The following ELMO1 variants were observed in gnomAD, a reference collection of about 807,000 sequenced individuals.
The protein encoded by ELMO1 is engulfment and cell motility 1.
A neutral mutation model predicts 98.9 loss-of-function variants in ELMO1; 26 were observed. That is an observed-to-expected ratio of 0.26 (90% CI 0.19 to 0.36). ELMO1 has a LOEUF of 0.36. Among genes scored for constraint, ELMO1 ranks in the 10% least tolerant of loss-of-function variants. The pLI is 1.00. For synonymous variants in ELMO1, 346 were observed against 346.0 expected (o/e 1.00, Z 0.00); for missense variants, 627 against 935.2 (o/e 0.67, Z 4.30).
At chr7:37,234,335 A>G (rs1794343562) in intron 7 of ELMO1, among the ~76,000 whole-genome samples, 1 of 152,238 alleles carries the variant, frequency 6.6e-6, no homozygotes, top group Admixed American at 6.5e-5. Context: ...ATTTCCAACT[A>G]GTAGAATAGA....
rs1014729186 is a variant in ELMO1 at position 37,294,737 on chromosome 7, C to T, written c.192+20113G>A. Among the ~76,000 whole-genome samples, 20 of 152,206 alleles carry T rather than the reference C, an allele frequency of 1.3e-4. No individual in the cohort carries two copies. In the East Asian group the frequency reaches 1.9e-3, roughly 15 times the overall value. On this transcript the variant is annotated intron_variant, in intron 4 of 21. Transcript: ENST00000310758. ...ATCTCAGGCCAGGCGCGGGGGCTCA[C>T]GCCTGTAATCCCAACACTTTGGGAG...
intron 16 of ELMO1, among the ~76,000 whole-genome samples, chr7:36,970,256 T>C (rs1013770066): frequency 6.6e-6 from 1 of 151,810 alleles, no homozygotes; most frequent in Non-Finnish European, 1.5e-5. Context: ...GCTGTCCTAA[T>C]ACCTTCTTTG....
intron 15 of ELMO1, among the ~76,000 whole-genome samples, chr7:37,066,659 T>C (rs983377070): frequency 5.3e-5 from 8 of 152,118 alleles, no homozygotes; most frequent in African/African-American, 1.9e-4. Context: ...CACAAAGAAA[T>C]GATAAATGAC....
chr7:37,295,992 A>G (rs981386197), intron 4 of ELMO1, among the ~76,000 whole-genome samples: 2 of 152,226 alleles, frequency 1.3e-5, no homozygotes, highest in Non-Finnish European at 2.9e-5. Flanking sequence ...CCAGTTTTCC[A>G]TTGCTGTATA....
intron 15 of ELMO1, among the ~76,000 whole-genome samples, chr7:37,029,925 T>C (rs1394939570): frequency 1.3e-5 from 2 of 152,162 alleles, no homozygotes; most frequent in Non-Finnish European, 2.9e-5. Context: ...TGTCTGCTAC[T>C]TTTTTTCTTC....
chr7:36,910,549 C>T (rs1784273392), intron 16 of ELMO1, among the ~76,000 whole-genome samples: 1 of 152,172 alleles, frequency 6.6e-6, no homozygotes, highest in Non-Finnish European at 1.5e-5. Flanking sequence ...GGAAGGAAAA[C>T]AACAGGCACT....
intron 15 of ELMO1, among the ~76,000 whole-genome samples, chr7:37,088,063 C>G (rs1783880662): frequency 6.6e-6 from 1 of 152,196 alleles, no homozygotes. Flanking sequence ...TCATTACCAG[C>G]TTGGGCAAAT....
At chr7:37,128,018 C>A (rs1786653436) in intron 14 of ELMO1, among the ~76,000 whole-genome samples, 5 of 152,072 alleles carry the variant, frequency 3.3e-5, no homozygotes, top group Admixed American at 3.3e-4. Flanking sequence ...CACGGCGAAA[C>A]CCCATCTCTA....
intron 4 of ELMO1, among the ~76,000 whole-genome samples, chr7:37,303,116 A>G (rs1798430974): frequency 6.6e-6 from 1 of 152,146 alleles, no homozygotes; most frequent in Admixed American, 6.5e-5. Context: ...GATGTTCGTT[A>G]TTCCATTAAA....
chr7:37,412,284 G>T lies in ELMO1; in HGVS notation c.-74+36391C>A, dbSNP rs1804023289. Among the ~76,000 whole-genome samples, 17 of 152,324 alleles carry T rather than the reference G, an allele frequency of 1.1e-4. No individual in the cohort carries two copies. The South Asian group carries it at 3.5e-3, about 32-fold the overall frequency. ...CTTCCAGAGAGTTCTATTCTCAGGA[G>T]CCAGGGCGTTTGTGGGGTCCTCCTG... On this transcript the variant is annotated intron_variant, in intron 1 of 21. Coordinates refer to ENST00000310758, the MANE Select transcript of ELMO1 (RefSeq NM_014800.11).
chr7:37,209,869 T>C (rs1306017898), intron 13 of ELMO1, among the ~76,000 whole-genome samples: 1 of 152,084 alleles, frequency 6.6e-6, no homozygotes, highest in Non-Finnish European at 1.5e-5. Context: ...TTGATTCAAC[T>C]AAAAGATAAA....
rs146336835 is a variant in ELMO1, at chr7:37,117,375, C to T, written c.1191+15755G>A. Among the ~76,000 whole-genome samples the T allele has an allele frequency of 2.4e-3, 364 of 152,252 alleles. 1 individual carries two copies. Among genetic ancestry groups the T allele is most frequent in the African/African-American group, 7.9e-3 (330 of 41,546 alleles). ...CACCACAAGAACACAGGTGAGCATC[C>T]GAGGTGGTGTGAGCACACCACGCAG... On this transcript the variant is annotated intron_variant, in intron 14 of 21. Transcript: ENST00000310758.
chr7:37,206,601 C>A (rs1007472017), intron 13 of ELMO1, among the ~76,000 whole-genome samples: 7 of 152,160 alleles, frequency 4.6e-5, no homozygotes, highest in African/African-American at 1.7e-4. Context: ...TGTAATTATA[C>A]TTGTGTAACT....
chr7:37,038,676 T>G (rs750516171), intron 15 of ELMO1, among the ~76,000 whole-genome samples: 1 of 152,226 alleles, frequency 6.6e-6, no homozygotes, highest in Non-Finnish European at 1.5e-5. Flanking sequence ...TATTAGTTTG[T>G]TCAGGCTTCA....
intron 8 of ELMO1, among the ~76,000 whole-genome samples, chr7:37,226,357 G>C (rs1793873200): frequency 6.6e-6 from 1 of 152,096 alleles, no homozygotes; most frequent in Non-Finnish European, 1.5e-5. Flanking sequence ...GCAAGCCCTT[G>C]ACTTATTCCT....
intron 16 of ELMO1, among the ~76,000 whole-genome samples, chr7:37,003,272 C>T (rs558383864): frequency 3.2e-4 from 49 of 152,162 alleles, no homozygotes; most frequent in Non-Finnish European, 6.5e-4. Flanking sequence ...CCTTTAATCC[C>T]GGGTACTCGG....
At chr7:37,402,899 G>C (rs961218505) in intron 1 of ELMO1, among the ~76,000 whole-genome samples, 3 of 152,184 alleles carry the variant, frequency 2.0e-5, no homozygotes, top group Admixed American at 6.5e-5. Context: ...CCTTCTTACA[G>C]AGTTAAACGT....
At chr7:36,937,266 C>T (rs1339048531) in intron 16 of ELMO1, among the ~76,000 whole-genome samples, 1 of 152,122 alleles carries the variant, frequency 6.6e-6, no homozygotes, top group African/African-American at 2.4e-5. Flanking sequence ...GTATAACTGG[C>T]GTCCTTATAA....
At chr7:37,183,720 C>CT (rs58558141) in intron 13 of ELMO1, among the ~76,000 whole-genome samples, 145,485 of 150,844 alleles carry the variant, frequency 0.96, 70,368 homozygotes, top group Non-Finnish European at 1. Flanking sequence ...ATATTCCAGA[C>CT]TTTTTTTTTC....
Sources: gnomAD v4.1 joint callset for allele counts (sites outside exome capture counted in the v4.1 genomes callset) on GRCh38, gnomAD v4.1.1 for gene constraint, MANE v1.5 for transcripts, NCBI Gene and HGNC (gene_info 2026-07-23, HGNC 2026-07-21) for gene names.